The following ADAM7 variants were observed in gnomAD, a reference collection of about 807,000 sequenced individuals.
ADAM7 encodes the protein disintegrin and metalloproteinase domain-containing protein 7.
ADAM7 carries 97 observed loss-of-function variants against 102.9 expected under a neutral mutation model. The observed-to-expected ratio is 0.94, with a 90% CI of 0.80 to 1.12. The LOEUF (loss-of-function observed/expected upper bound fraction) is 1.12. Among genes scored for constraint, ADAM7 ranks in the 50% most tolerant of loss-of-function variants. The probability of loss-of-function intolerance (pLI) is 0.00; values close to 1 mark genes in which losing one functional copy is unlikely to be tolerated. For missense variants in ADAM7, 991 were observed against 908.7 expected (o/e 1.09, Z -1.16); for synonymous variants, 334 against 304.4 (o/e 1.10, Z -1.01).
chr8:24,467,283 AT>A (rs1043005303), intron 6 of ADAM7: 12 of 424,884 alleles, frequency 2.8e-5, no homozygotes, highest in African/African-American at 2.2e-4. Flanking sequence ...CTAAAACCTA[AT>A]CTAGAGATAG....
At chr8:24,467,196 G>A in intron 6 of ADAM7, 1 of 599,310 alleles carries the variant, frequency 1.7e-6, no homozygotes, top group Non-Finnish European at 2.9e-6. Flanking sequence ...TTCAAGAAAG[G>A]ATGATTCTAC....
rs1275291881 is a variant in ADAM7, at chr8:24,441,165, G to A, written c.52+5G>A. 1 of 1,610,918 alleles carries A rather than the reference G, an allele frequency of 6.2e-7. No homozygotes were observed. The highest frequency in any genetic ancestry group is 1.7e-5 in the Admixed American group (1 of 60,004). On this transcript the variant is annotated splice_donor_5th_base_variant and intron_variant, in intron 1 of 21. Coordinates refer to ENST00000175238, the MANE Select transcript of ADAM7 (RefSeq NM_003817.4). ...TACTCATTCCTCAGGTTAAAGGTATGTCTTGCTCTTTTTATCAGGACTTTC... is the reference window on the plus strand; with the variant it reads ...TACTCATTCCTCAGGTTAAAGGTATATCTTGCTCTTTTTATCAGGACTTTC...
At chr8:24,481,794 G>T (rs866396983) in intron 8 of ADAM7, among the ~76,000 whole-genome samples, 6 of 152,132 alleles carry the variant, frequency 3.9e-5, no homozygotes, top group South Asian at 2.1e-4. Flanking sequence ...CACTCACACC[G>T]CCTGCCACTG....
chr8:24,482,059 G>T, intron 8 of ADAM7, 83 bp from the exon 9 acceptor site: 2 of 1,009,726 alleles, frequency 2.0e-6, no homozygotes, highest in Non-Finnish European at 2.8e-6. Context: ...ATTGTTTTTT[G>T]GGGAAATGTA....
At chr8:24,450,611 C>T (rs1026519302) in intron 3 of ADAM7, among the ~76,000 whole-genome samples, 3 of 152,150 alleles carry the variant, frequency 2.0e-5, no homozygotes, top group African/African-American at 7.2e-5. Flanking sequence ...GACAATTTGA[C>T]TTCCTCTTTC....
In ADAM7 at chr8:24,507,499, C is replaced by G; in HGVS notation, c.2228C>G (p.Ser743Ter). The G allele has an allele frequency of 6.2e-7, 1 of 1,612,678 alleles. No homozygotes were observed. ...HFLNKPASKD[S>*]RGIADPNQSA... ...TTATAGAAACCTGCAAGTAAAGATT[C>G]AAGAGGAATCGCAGATCCCAATCAA... Residue 743 changes from serine to a stop codon, truncating the protein, a stop_gained, in exon 21 of 22, where the codon TCA (serine) becomes TGA (stop). Transcript: ENST00000175238. LOFTEE classifies it high-confidence loss of function.
Position 24,508,810 on chromosome 8 carries a change from A to C in ADAM7, c.*264A>C. On this transcript the variant is annotated 3_prime_UTR_variant, in exon 22 of 22. Transcript: ENST00000175238. ...AAATGCTCTTTAGCACAATATAAAA[A>C]TTCGTAACCTTGCTGTAGTATTTTC... is the stretch of plus-strand genomic sequence containing the variant. 1 of 1,243,220 alleles carries C rather than the reference A, an allele frequency of 8.0e-7. No homozygotes were observed. Among genetic ancestry groups the C allele is most frequent in the Non-Finnish European group, 1.0e-6 (1 of 993,284 alleles). The allele number at this position is 1,243,220 out of a possible 1,614,324, so 77.0% of individuals were successfully genotyped here.
chr8:24,499,758 G>A lies in ADAM7; in HGVS notation c.1924-420G>A, dbSNP rs17052081. 2.3e-3 allele frequency among the ~76,000 whole-genome samples: 341 copies of A among 150,786 alleles called. 12 individuals carry two copies. In the East Asian group the frequency reaches 0.056, roughly 25 times the overall value. On this transcript the variant is annotated intron_variant, in intron 17 of 21. Transcript: ENST00000175238. ...TTACTAACAGTTAGTGCCTAACATC[G>A]CTCATAAGCTGGGTTAATCAGTAAC...
chr8:24,496,564 G>A (rs1820560903), intron 16 of ADAM7, among the ~76,000 whole-genome samples: 1 of 152,226 alleles, frequency 6.6e-6, no homozygotes, highest in African/African-American at 2.4e-5. Context: ...CAGAGGCAGA[G>A]CTGCTCAAGA....
intron 15 of ADAM7, 79 bp from the exon 16 acceptor site, chr8:24,492,964 A>G: frequency 1.4e-6 from 2 of 1,386,012 alleles, no homozygotes; most frequent in Non-Finnish European, 1.9e-6. Context: ...AAAAAGAGTG[A>G]CCGGGAGGCT....
intron 16 of ADAM7, among the ~76,000 whole-genome samples, chr8:24,494,521 G>T (rs2129393450): frequency 6.6e-6 from 1 of 152,266 alleles, no homozygotes; most frequent in African/African-American, 2.4e-5. Flanking sequence ...AAAGGCAGTT[G>T]TGAAGGAATC....
At chr8:24,468,554 A>G (rs1819504554) in intron 6 of ADAM7, among the ~76,000 whole-genome samples, 1 of 152,166 alleles carries the variant, frequency 6.6e-6, no homozygotes, top group African/African-American at 2.4e-5. Context: ...AACAAATAGA[A>G]AATACTAAAA....
intron 7 of ADAM7, 120 bp from the exon 8 acceptor site, chr8:24,476,313 C>A: frequency 1.5e-6 from 1 of 670,998 alleles, no homozygotes; most frequent in Non-Finnish European, 2.4e-6. Context: ...GAAAGGAGTT[C>A]TCTTTCTTCA....
chr8:24,484,205 T>A (rs887408957), intron 9 of ADAM7, among the ~76,000 whole-genome samples: 7 of 152,280 alleles, frequency 4.6e-5, no homozygotes, highest in African/African-American at 1.7e-4. Flanking sequence ...CAAATACTGA[T>A]GCCTAATATG....
chr8:24,479,181 T>C (rs1376395191), intron 8 of ADAM7, among the ~76,000 whole-genome samples: 1 of 152,082 alleles, frequency 6.6e-6, no homozygotes, highest in Non-Finnish European at 1.5e-5. Flanking sequence ...CCTTCTAGCC[T>C]AGTTATGGGG....
Position 24,482,269 on chromosome 8 carries a change from T to C in ADAM7, c.833T>C (p.Ile278Thr). 1 of 1,611,266 alleles carries C rather than the reference T, an allele frequency of 6.2e-7. No homozygotes were observed. Among genetic ancestry groups the C allele is most frequent in the Non-Finnish European group, 8.5e-7 (1 of 1,179,186 alleles). ...CGTTTTTCATTTTGGCAAGAAAAGA[T>C]CCTTAAAACACGGAAGGATTTTGAT... ...LLRFSFWQEK[I>T]LKTRKDFDHV... The change falls in exon 9 of 22, where the codon ATC becomes ACC. Residue 278 changes from isoleucine to threonine, a missense_variant. Physicochemically the swap from Ile to Thr is moderately conservative, Grantham distance 89. Transcript: ENST00000175238.
chr8:24,467,156 T>G, intron 6 of ADAM7, 168 bp downstream of exon 6: 1 of 641,806 alleles, frequency 1.6e-6, no homozygotes, highest in Non-Finnish European at 2.7e-6. Context: ...ATGTAAAAAG[T>G]GTTTATTTCA....
chr8:24,487,462 C>A, intron 11 of ADAM7, 145 bp downstream of exon 11: 1 of 982,250 alleles, frequency 1.0e-6, no homozygotes, highest in Admixed American at 3.2e-5. Flanking sequence ...GCCTGGCCAA[C>A]ATGGAGAAAC....
intron 16 of ADAM7, among the ~76,000 whole-genome samples, chr8:24,498,038 G>A (rs889890354): frequency 5.9e-5 from 9 of 151,806 alleles, no homozygotes; most frequent in Non-Finnish European, 1.3e-4. Context: ...TATATAGACT[G>A]CACCTATTTT....
Sources: gnomAD v4.1 joint callset for allele counts (sites outside exome capture counted in the v4.1 genomes callset) on GRCh38, gnomAD v4.1.1 for gene constraint, MANE v1.5 for transcripts, NCBI Gene and HGNC (gene_info 2026-07-23, HGNC 2026-07-21) for gene names.